PTGER3: variants seen among roughly 807,000 people sequenced by gnomAD.
The protein encoded by PTGER3 is prostaglandin E2 receptor EP3 subtype.
In PTGER3, 22 loss-of-function variants were observed where a neutral mutation model predicts 34.7. The ratio of observed to expected loss-of-function variants is 0.63; its 90% CI spans 0.45 to 0.91. The LOEUF (loss-of-function observed/expected upper bound fraction) is 0.91. Ranked by LOEUF, PTGER3 falls within the 40% of genes least tolerant of loss-of-function variation. PTGER3 has a pLI of 0.00. For missense variants in PTGER3, 468 were observed against 519.4 expected (o/e 0.90, Z 0.96); for synonymous variants, 241 against 230.1 (o/e 1.05, Z -0.43).
chr1:70,981,417 T>G (rs907093296), intron 2 of PTGER3, among the ~76,000 whole-genome samples: 1 of 146,386 alleles, frequency 6.8e-6, no homozygotes, highest in African/African-American at 2.6e-5. Context: ...CCTTCCTTCC[T>G]TCTTTCTTTT....
At chr1:70,992,608 G>C (rs564763611) in intron 2 of PTGER3, among the ~76,000 whole-genome samples, 23 of 152,114 alleles carry the variant, frequency 1.5e-4, no homozygotes, top group Non-Finnish European at 2.5e-4. Context: ...ACACCTAGCA[G>C]CTTCATGTCT....
At chr1:70,969,742 G>T (rs1652894905), downstream of PTGER3, among the ~76,000 whole-genome samples, 1 of 152,150 alleles carries the variant, frequency 6.6e-6, no homozygotes, top group African/African-American at 2.4e-5. Context: ...AGGATGGTTG[G>T]GGTTGATTCC....
intron 4 of PTGER3, among the ~76,000 whole-genome samples, chr1:70,909,450 T>C (rs751269347): frequency 5.9e-5 from 9 of 152,224 alleles, no homozygotes; most frequent in Non-Finnish European, 1.0e-4. Flanking sequence ...AATCAAGCTA[T>C]ATATGAATTT....
chr1:70,890,782 C>T (rs1001785575), intron 4 of PTGER3, among the ~76,000 whole-genome samples: 2 of 152,184 alleles, frequency 1.3e-5, no homozygotes, highest in Non-Finnish European at 2.9e-5. Flanking sequence ...AATCACTCTT[C>T]TTAGGACAAA....
chr1:70,985,741 A>T (rs2100747653), intron 2 of PTGER3, among the ~76,000 whole-genome samples: 1 of 152,244 alleles, frequency 6.6e-6, no homozygotes, highest in African/African-American at 2.4e-5. Context: ...CCTTCCTTAA[A>T]ATAGTTACTT....
chr1:70,910,227 C>T (rs1647032790), intron 4 of PTGER3, among the ~76,000 whole-genome samples: 1 of 152,146 alleles, frequency 6.6e-6, no homozygotes, highest in Non-Finnish European at 1.5e-5. Flanking sequence ...TCAAAATGAT[C>T]TCATTGGCTT....
intron 2 of PTGER3, chr1:71,009,185 T>C: frequency 2.0e-6 from 2 of 985,234 alleles, no homozygotes; most frequent in Non-Finnish European, 2.4e-6. Context: ...GTGACCCCCT[T>C]ATTAAAATAC....
At chr1:70,990,360 C>CAG (rs1655334165) in intron 2 of PTGER3, among the ~76,000 whole-genome samples, 1 of 95,910 alleles carries the variant, frequency 1.0e-5, no homozygotes, top group Non-Finnish European at 2.3e-5. Context: ...GTCTCACACA[C>CAG]ACACACACAC....
intron 4 of PTGER3, among the ~76,000 whole-genome samples, chr1:70,899,193 A>G (rs1476517025): frequency 6.6e-6 from 1 of 152,194 alleles, no homozygotes; most frequent in African/African-American, 2.4e-5. Context: ...TGTTCCTAGC[A>G]TTATGTTACT....
At position 70,889,784 on chromosome 1, in the gene PTGER3, G is replaced by T. The variant is rs572641686; in HGVS notation, c.*24-36925C>A. The stretch of plus-strand genomic sequence containing the variant: ...TCTAGGTAAAACCTTGAGCTGAGGA[G>T]AACCATCAGATCACTGACTTCTCTT... On this transcript the variant is annotated intron_variant, in intron 4 of 4. Coordinates refer to the PTGER3 transcript ENST00000370931. 2.0e-5 allele frequency among the ~76,000 whole-genome samples: 3 copies of T among 152,086 alleles called. No individual in the cohort carries two copies. In the East Asian group the frequency reaches 5.8e-4, roughly 29 times the overall value.
chr1:70,853,276 A>G (rs1269572369), intron 4 of PTGER3, among the ~76,000 whole-genome samples: 1 of 152,196 alleles, frequency 6.6e-6, no homozygotes, highest in Non-Finnish European at 1.5e-5. Flanking sequence ...TTATAGTTAA[A>G]TGACCACAGA....
chr1:70,967,249 T>C (rs1334502785), downstream of PTGER3, among the ~76,000 whole-genome samples: 1 of 152,066 alleles, frequency 6.6e-6, no homozygotes, highest in African/African-American at 2.4e-5. Context: ...TATCACCTAC[T>C]TGTCTTAGGC....
At chr1:70,888,660 C>A (rs2100259167) in intron 4 of PTGER3, among the ~76,000 whole-genome samples, 1 of 152,212 alleles carries the variant, frequency 6.6e-6, no homozygotes, top group Middle Eastern at 3.4e-3. Context: ...TCTCCCTGTT[C>A]TGCCTCCCAT....
downstream of PTGER3, among the ~76,000 whole-genome samples, chr1:70,969,107 T>C (rs1039016029): frequency 5.9e-5 from 9 of 152,022 alleles, no homozygotes; most frequent in African/African-American, 2.2e-4. Flanking sequence ...CTCAGGACGC[T>C]GAAGCAGGAG....
At chr1:70,936,286 C>T (rs74089167) in intron 4 of PTGER3, among the ~76,000 whole-genome samples, 2,445 of 152,220 alleles carry the variant, frequency 0.016, 66 homozygotes, top group African/African-American at 0.056. Flanking sequence ...ACAGCCATAG[C>T]TGCAGAGGTA....
At chr1:70,999,715 C>A (rs2744912) in intron 2 of PTGER3, among the ~76,000 whole-genome samples, 1 of 151,964 alleles carries the variant, frequency 6.6e-6, no homozygotes, top group East Asian at 1.9e-4. Context: ...TCCGAGAGGA[C>A]GGGTAAAAGG....
At chr1:70,867,221 A>G (rs1474770439) in intron 4 of PTGER3, among the ~76,000 whole-genome samples, 1 of 152,180 alleles carries the variant, frequency 6.6e-6, no homozygotes, top group Non-Finnish European at 1.5e-5. Context: ...TGTATTATCT[A>G]CTTGATAAAG....
chr1:70,876,431 A>G (rs983819569), intron 4 of PTGER3, among the ~76,000 whole-genome samples: 6 of 151,496 alleles, frequency 4.0e-5, no homozygotes, highest in African/African-American at 1.5e-4. Flanking sequence ...GTGAGAAACT[A>G]TCAATTGAAT....
At chr1:70,858,237 C>T (rs1363114867) in intron 4 of PTGER3, among the ~76,000 whole-genome samples, 1 of 139,328 alleles carries the variant, frequency 7.2e-6, no homozygotes, top group Non-Finnish European at 1.5e-5. Flanking sequence ...ATAGCTTTTG[C>T]TTATTTCATT....
Sources: gnomAD v4.1 joint callset for allele counts (sites outside exome capture counted in the v4.1 genomes callset) on GRCh38, gnomAD v4.1.1 for gene constraint, MANE v1.5 for transcripts, NCBI Gene and HGNC (gene_info 2026-07-23, HGNC 2026-07-21) for gene names.